The following CNOT6L variants were observed in gnomAD, a reference collection of about 807,000 sequenced individuals.
CNOT6L encodes CCR4-NOT transcription complex subunit 6-like.
In CNOT6L, 7 loss-of-function variants were observed where a neutral mutation model predicts 64.0. That is an observed-to-expected ratio of 0.11 (90% CI 0.06 to 0.21). The LOEUF is 0.21. CNOT6L is among the 10% of genes least tolerant of loss of function. The pLI is 1.00. For synonymous variants in CNOT6L, 193 were observed against 243.4 expected, an observed-to-expected ratio of 0.79 and a Z score of 1.93; for missense variants, 245 against 669.0, an observed-to-expected ratio of 0.37 and a Z score of 6.99.
chr4:77,743,586 CTTTTTTTTTTTTTTTT>C (rs142888128), intron 7 of CNOT6L, among the ~76,000 whole-genome samples: 7 of 70,886 alleles, frequency 9.9e-5, no homozygotes, highest in Admixed American at 3.6e-4. Flanking sequence ...TAACACACAA[CTTTTTTTTTTTTTTTT>C]TTTTTTTTTT....
intron 8 of CNOT6L, among the ~76,000 whole-genome samples, chr4:77,737,754 T>A (rs1723138802): frequency 6.6e-6 from 1 of 152,068 alleles, no homozygotes; most frequent in South Asian, 2.1e-4. Context: ...TGCATCCACA[T>A]TCATTATTTT....
chr4:77,789,945 C>CAAAAA (rs58242121), intron 1 of CNOT6L, among the ~76,000 whole-genome samples: 12 of 83,316 alleles, frequency 1.4e-4, no homozygotes, highest in East Asian at 1.1e-3. Flanking sequence ...GACACTGTCT[C>CAAAAA]AAAAAAAAAA....
intron 1 of CNOT6L, among the ~76,000 whole-genome samples, chr4:77,795,019 T>G (rs1730654757): frequency 8.2e-6 from 1 of 121,942 alleles, no homozygotes; most frequent in African/African-American, 2.9e-5. Context: ...AAAGAAATTT[T>G]TCTTTTTTTT....
Position 77,715,296 on chromosome 4 carries a change from C to T in CNOT6L, c.*5135G>A, listed in dbSNP as rs551427395. The T allele has an allele frequency of 6.6e-6, 1 of 152,152 alleles. No homozygotes were observed. Among genetic ancestry groups the T allele is most frequent in the East Asian group, 1.9e-4 (1 of 5,172 alleles). 9.4% of individuals were successfully genotyped at this position (152,152 alleles called of 1,614,324 possible). Reference sequence around the variant, plus strand: ...ATCCTTTCCATAATGTGATTTGTTTCTGATGACATACTTCTAAAATGCAGT... The same window carrying T: ...ATCCTTTCCATAATGTGATTTGTTTTTGATGACATACTTCTAAAATGCAGT... On this transcript the variant is annotated 3_prime_UTR_variant, in exon 12 of 12. Transcript: ENST00000504123.
intron 6 of CNOT6L, among the ~76,000 whole-genome samples, chr4:77,747,505 A>G (rs1196061981): frequency 6.6e-6 from 1 of 152,170 alleles, no homozygotes; most frequent in Non-Finnish European, 1.5e-5. Context: ...TGACTGGTTT[A>G]ATCTTCATAT....
intron 1 of CNOT6L, among the ~76,000 whole-genome samples, chr4:77,801,095 G>C (rs1273830706): frequency 6.6e-6 from 1 of 152,118 alleles, no homozygotes; most frequent in African/African-American, 2.4e-5. Flanking sequence ...TGATTAGAAG[G>C]ATAAAGAACA....
chr4:77,813,754 G>T (rs1476739983), intron 1 of CNOT6L, among the ~76,000 whole-genome samples: 1 of 152,126 alleles, frequency 6.6e-6, no homozygotes, highest in Admixed American at 6.5e-5. Context: ...AATAACAATT[G>T]TTGGCATGAA....
Position 77,763,401 on chromosome 4 carries a change from TAAG to T in CNOT6L, c.401-6453_401-6451del, listed in dbSNP as rs1461026993. On this transcript the variant is annotated intron_variant, in intron 4 of 11. Coordinates refer to ENST00000504123, the MANE Select transcript of CNOT6L (RefSeq NM_144571.3). ...TACAGACTATAAGAAAAAATCCTAA[TAAG>T]AAGCTCAGTACCTAGTATTGGGTTC... 2.0e-5 allele frequency among the ~76,000 whole-genome samples: 3 copies of T among 152,026 alleles called. No individual in the cohort carries two copies. In the East Asian group the frequency reaches 5.8e-4, roughly 29 times the overall value.
At chr4:77,796,269 A>G (rs1221089245) in intron 1 of CNOT6L, among the ~76,000 whole-genome samples, 1 of 152,182 alleles carries the variant, frequency 6.6e-6, no homozygotes, top group Non-Finnish European at 1.5e-5. Flanking sequence ...ATAAAATTGG[A>G]GGATTTACAC....
intron 5 of CNOT6L, among the ~76,000 whole-genome samples, chr4:77,748,712 C>T (rs927671044): frequency 3.9e-5 from 6 of 152,074 alleles, no homozygotes; most frequent in African/African-American, 1.2e-4. Flanking sequence ...TTGACTTAGC[C>T]TTGTGGGAAA....
intron 4 of CNOT6L, among the ~76,000 whole-genome samples, chr4:77,764,434 T>A (rs1178767223): frequency 6.6e-6 from 1 of 152,170 alleles, no homozygotes; most frequent in Non-Finnish European, 1.5e-5. Context: ...TCCAACAAAA[T>A]TGACTCATTA....
At chr4:77,778,089 T>G (rs1310869849) in intron 1 of CNOT6L, among the ~76,000 whole-genome samples, 1 of 152,206 alleles carries the variant, frequency 6.6e-6, no homozygotes, top group Non-Finnish European at 1.5e-5. Context: ...GAACTTCATA[T>G]AGCACAAAGA....
chr4:77,714,734 C>T lies in CNOT6L; in HGVS notation c.*5697G>A, dbSNP rs1288744333. 6.6e-6 allele frequency: 1 copy of T among 152,590 alleles called. No homozygotes were observed. The highest frequency in any genetic ancestry group is 1.5e-5 in the Non-Finnish European group (1 of 68,024). 9.5% of individuals were successfully genotyped at this position (152,590 alleles called of 1,614,324 possible). ...TAACACAGCCATCCAAATCCCTCCC[C>T]TTGAAAAGTTGGCAGAGCACCGCTC... On this transcript the variant is annotated 3_prime_UTR_variant, in exon 12 of 12. Transcript: ENST00000504123.
upstream of CNOT6L, chr4:77,819,372 A>C (rs1578021278): frequency 9.4e-6 from 15 of 1,591,598 alleles, no homozygotes; most frequent in South Asian, 1.1e-5. Context: ...CACACACACA[A>C]ACACGCGCGC....
At chr4:77,728,608 G>C (rs964978131) in intron 10 of CNOT6L, among the ~76,000 whole-genome samples, 2 of 152,158 alleles carry the variant, frequency 1.3e-5, no homozygotes, top group African/African-American at 4.8e-5. Flanking sequence ...GAGTGGTAAA[G>C]AGATCTATTA....
chr4:77,760,214 CAAAA>C (rs1225768059), intron 4 of CNOT6L, among the ~76,000 whole-genome samples: 49 of 151,458 alleles, frequency 3.2e-4, no homozygotes, highest in Admixed American at 3.1e-3. Context: ...TCTCTACAAA[CAAAA>C]AAAATTATTT....
At chr4:77,777,117 T>G (rs1032008150) in intron 1 of CNOT6L, among the ~76,000 whole-genome samples, 1 of 152,264 alleles carries the variant, frequency 6.6e-6, no homozygotes, top group African/African-American at 2.4e-5. Context: ...AATTGTGTTT[T>G]CTGTTACTAG....
At position 77,715,758 on chromosome 4, in the gene CNOT6L, T is replaced by G. The variant is rs939647959; in HGVS notation, c.*4673A>C. ...CTGTAGTTTAGATATATGGGCTGCT[T>G]CTTTTTTACCCTCAAGCTTTTAGGT... On this transcript the variant is annotated 3_prime_UTR_variant, in exon 12 of 12. Coordinates refer to ENST00000504123, the MANE Select transcript of CNOT6L (RefSeq NM_144571.3). The G allele has an allele frequency of 4.6e-5, 7 of 152,548 alleles. No homozygotes were observed. Among genetic ancestry groups the G allele is most frequent in the East Asian group, 3.9e-4 (2 of 5,188 alleles). The allele number at this position is 152,548 out of a possible 1,614,324, so 9.4% of individuals were successfully genotyped here.
chr4:77,728,487 G>A (rs71609377), intron 10 of CNOT6L, among the ~76,000 whole-genome samples: 23 of 152,234 alleles, frequency 1.5e-4, no homozygotes, highest in Non-Finnish European at 2.8e-4. Context: ...GGGATTGACC[G>A]CTTCATGCAA....
Sources: gnomAD v4.1 joint callset for allele counts (sites outside exome capture counted in the v4.1 genomes callset) on GRCh38, gnomAD v4.1.1 for gene constraint, MANE v1.5 for transcripts, NCBI Gene and HGNC (gene_info 2026-07-23, HGNC 2026-07-21) for gene names.